LIPI: variants seen among roughly 807,000 people sequenced by gnomAD.
LIPI encodes lipase I, also known as lipase member I.
In LIPI, 59 loss-of-function variants were observed where a neutral mutation model predicts 50.6. The observed-to-expected ratio is 1.16, with a 90% CI of 0.94 to 1.45. LIPI has a LOEUF of 1.45. Ranked by LOEUF, LIPI falls within the 40% of genes most tolerant of loss-of-function variation. The pLI is 0.00. For missense variants in LIPI, 586 were observed against 536.3 expected, an observed-to-expected ratio of 1.09 and a Z score of -0.92; for synonymous variants, 203 against 178.2, an observed-to-expected ratio of 1.14 and a Z score of -1.11.
intron 9 of LIPI, among the ~76,000 whole-genome samples, chr21:14,112,063 C>T (rs2016437933): frequency 6.6e-6 from 1 of 151,976 alleles, no homozygotes; most frequent in Non-Finnish European, 1.5e-5. Context: ...CCATGGTTAC[C>T]CACTCCAACA....
chr21:14,138,326 A>C (rs1196650400), intron 9 of LIPI, among the ~76,000 whole-genome samples: 2 of 152,160 alleles, frequency 1.3e-5, no homozygotes, highest in African/African-American at 4.8e-5. Context: ...TTGGCTGTCT[A>C]AGTTTATTCT....
intron 1 of LIPI, among the ~76,000 whole-genome samples, chr21:14,197,177 A>T (rs1460510729): frequency 6.6e-6 from 1 of 151,770 alleles, no homozygotes; most frequent in East Asian, 1.9e-4. Context: ...TATAAGTTAA[A>T]ATAGAAATAT....
intron 9 of LIPI, 55 bp downstream of exon 9, chr21:14,144,568 C>A: frequency 2.1e-6 from 2 of 954,354 alleles, no homozygotes; most frequent in Admixed American, 1.9e-5. Context: ...CTTAAGAAAC[C>A]AATATTTTCA....
At chr21:14,154,922 C>T (rs1366545367) in intron 7 of LIPI, among the ~76,000 whole-genome samples, 1 of 151,814 alleles carries the variant, frequency 6.6e-6, no homozygotes, top group Non-Finnish European at 1.5e-5. Flanking sequence ...GCCCATAATA[C>T]CAAGAACAAA....
At chr21:14,135,450 C>G (rs776268353) in intron 9 of LIPI, among the ~76,000 whole-genome samples, 2 of 152,166 alleles carry the variant, frequency 1.3e-5, no homozygotes, top group Non-Finnish European at 2.9e-5. Flanking sequence ...ACTCCTCCCC[C>G]ATCCCCAGGA....
chr21:14,176,138 A>G (rs1044369403), intron 4 of LIPI, among the ~76,000 whole-genome samples: 4 of 150,420 alleles, frequency 2.7e-5, no homozygotes, highest in African/African-American at 7.3e-5. Context: ...AGATCGCGCC[A>G]CTGCACTCCA....
chr21:14,128,289 T>C (rs999697826), intron 9 of LIPI, among the ~76,000 whole-genome samples: 1 of 152,106 alleles, frequency 6.6e-6, no homozygotes, highest in African/African-American at 2.4e-5. Flanking sequence ...ATGGGAATAA[T>C]TGACTATATT....
Position 14,152,600 on chromosome 21 carries a change from C to T in LIPI, c.1091G>A (p.Gly364Glu), listed in dbSNP as rs74369337. Residue 364 changes from glycine to glutamate, a missense_variant, in exon 8 of 10, where the codon GGA becomes GAA. Gly to Glu is a moderately conservative substitution (Grantham distance 98, BLOSUM62 -2). Coordinates refer to ENST00000681601, the MANE Select transcript of LIPI (RefSeq NM_001302998.2). ...ATAAAGCCTTGGCTCTTCAATCATTCCAAGCTGATTTAATAATTTAAATGA... is the reference window on the plus strand; with the variant it reads ...ATAAAGCCTTGGCTCTTCAATCATTTCAAGCTGATTTAATAATTTAAATGA... ...SFSFKLLNQL[G>E]MIEEPRLYEK... is the part of the protein sequence containing the mutation. The T allele has an allele frequency of 0.038, 59,856 of 1,581,204 alleles. 3,524 individuals carry two copies. Among genetic ancestry groups the T allele is most frequent in the East Asian group, 0.29 (12,658 of 44,320 alleles).
rs907030769 is a variant in LIPI, at chr21:14,165,352, G to A, written c.772C>T (p.His258Tyr). ...GTTTCTAAAGATGCCATGAACAAGT[G>A]AACTGCTCTCTGGTGGTTGCATTTA... ...FIKCNHQRAV[H>Y]LFMASLETNC... Residue 258 changes from histidine (H) to tyrosine (Y), a missense_variant, in exon 6 of 10, where the codon CAC (histidine) becomes TAC (tyrosine). Physicochemically the swap from His to Tyr is moderately conservative, Grantham distance 83. Coordinates refer to ENST00000681601, the MANE Select transcript of LIPI (RefSeq NM_001302998.2). 6.8e-6 allele frequency: 11 copies of A among 1,612,120 alleles called. No homozygotes were observed. The Admixed American group carries it at 1.8e-4, about 27-fold the overall frequency.
intron 6 of LIPI, among the ~76,000 whole-genome samples, chr21:14,163,850 G>A (rs13051245): frequency 0.84 from 127,920 of 151,628 alleles, 54,228 homozygotes; most frequent in East Asian, 0.97. Context: ...CTTCTAATAA[G>A]TTCAGCAGAG....
At chr21:14,199,542 G>A (rs2019979025) in intron 1 of LIPI, among the ~76,000 whole-genome samples, 1 of 150,660 alleles carries the variant, frequency 6.6e-6, no homozygotes, top group African/African-American at 2.4e-5. Flanking sequence ...ACTTCAGGAA[G>A]AATTGGAATC....
chr21:14,189,419 T>C lies in LIPI; in HGVS notation c.47A>G (p.Asp16Gly), dbSNP rs1207796725. ...FLCLMCWVRS[D>G]NKRPCLEFSQ... ...GAATTCAAGGCATGGTCTTTTATTA[T>C]CTGAAATAAGAAAATGTCAGTCAAG... Residue 16 changes from aspartate to glycine, a missense_variant and splice_region_variant, in exon 2 of 10, where the codon GAT becomes GGT. Physicochemically the swap from Asp to Gly is moderately conservative, Grantham distance 94 (BLOSUM62 -1). Coordinates refer to ENST00000681601, the MANE Select transcript of LIPI (RefSeq NM_001302998.2). 1 of 1,612,090 alleles carries C rather than the reference T, an allele frequency of 6.2e-7. No individual in the cohort carries two copies. Among genetic ancestry groups the C allele is most frequent in the Non-Finnish European group, 8.5e-7 (1 of 1,178,430 alleles).
At chr21:14,186,889 C>T (rs1249628809) in intron 2 of LIPI, among the ~76,000 whole-genome samples, 1 of 152,182 alleles carries the variant, frequency 6.6e-6, no homozygotes, top group Non-Finnish European at 1.5e-5. Context: ...TTGGACTTCT[C>T]AGACCCTGAA....
chr21:14,126,062 G>A (rs868527084), intron 9 of LIPI, among the ~76,000 whole-genome samples: 1 of 152,104 alleles, frequency 6.6e-6, no homozygotes, highest in Non-Finnish European at 1.5e-5. Flanking sequence ...GTGCAGTTTG[G>A]GTTTAGGAGA....
chr21:14,194,316 A>C (rs1225746043), intron 1 of LIPI, among the ~76,000 whole-genome samples: 2 of 152,174 alleles, frequency 1.3e-5, no homozygotes, highest in Non-Finnish European at 2.9e-5. Context: ...CACCCAAAAG[A>C]ATTGAAAACA....
chr21:14,111,136 A>T (rs2016395559), intron 9 of LIPI, among the ~76,000 whole-genome samples: 1 of 151,746 alleles, frequency 6.6e-6, no homozygotes, highest in Admixed American at 6.6e-5. Flanking sequence ...TATTAGTTCT[A>T]TTTTTAATGT....
At chr21:14,174,131 G>A (rs1343390909) in intron 4 of LIPI, among the ~76,000 whole-genome samples, 3 of 152,148 alleles carry the variant, frequency 2.0e-5, no homozygotes, top group Admixed American at 6.5e-5. Flanking sequence ...CACTGAAGGA[G>A]ACTCAAACCA....
At chr21:14,203,398 A>G (rs1322639402) in intron 1 of LIPI, among the ~76,000 whole-genome samples, 1 of 152,096 alleles carries the variant, frequency 6.6e-6, no homozygotes. Flanking sequence ...CGTTTATTGC[A>G]GCACTATTCA....
intron 2 of LIPI, among the ~76,000 whole-genome samples, chr21:14,187,137 C>T (rs375417355): frequency 3.3e-5 from 5 of 152,246 alleles, no homozygotes; most frequent in East Asian, 3.9e-4. Context: ...TGACTTCCTT[C>T]CCCTGATCAC....
Sources: gnomAD v4.1 joint callset for allele counts (sites outside exome capture counted in the v4.1 genomes callset) on GRCh38, gnomAD v4.1.1 for gene constraint, MANE v1.5 for transcripts, NCBI Gene and HGNC (gene_info 2026-07-23, HGNC 2026-07-21) for gene names.